The following HSD17B7 variants were observed in gnomAD, a reference collection of about 807,000 sequenced individuals.
HSD17B7 encodes the protein hydroxysteroid 17-beta dehydrogenase 7, also known as 3-keto-steroid reductase/17-beta-hydroxysteroid dehydrogenase 7.
HSD17B7 carries 17 observed loss-of-function variants against 34.1 expected under a neutral mutation model. That is an observed-to-expected ratio of 0.50 (90% confidence interval 0.34 to 0.75). The LOEUF (loss-of-function observed/expected upper bound fraction) is 0.75, where lower values mean the gene tolerates loss of function less well. HSD17B7 is among the 30% of genes least tolerant of loss of function. The pLI is 0.01. For missense variants in HSD17B7, 296 were observed against 406.6 expected (o/e 0.73, Z 2.34); for synonymous variants, 122 against 154.6 (o/e 0.79, Z 1.56).
intron 8 of HSD17B7, among the ~76,000 whole-genome samples, chr1:162,808,684 A>G (rs1201072188): frequency 6.6e-6 from 1 of 152,174 alleles, no homozygotes; most frequent in African/African-American, 2.4e-5. Flanking sequence ...GGTCCTTCAC[A>G]TCTCTTGTAA....
At chr1:162,800,318 A>C (rs1423247038) in intron 5 of HSD17B7, 1 of 458,216 alleles carries the variant, frequency 2.2e-6, no homozygotes, top group South Asian at 1.6e-5. Flanking sequence ...GGAGAACTTA[A>C]GTCATTTACC....
intron 7 of HSD17B7, among the ~76,000 whole-genome samples, chr1:162,805,103 A>G (rs542104737): frequency 1.3e-5 from 2 of 152,308 alleles, no homozygotes; most frequent in Admixed American, 1.3e-4. Flanking sequence ...GACTTAATTG[A>G]GATTAGCTAA....
chr1:162,811,573 T>C (rs1410208256), intron 8 of HSD17B7, among the ~76,000 whole-genome samples: 3 of 152,216 alleles, frequency 2.0e-5, no homozygotes, highest in South Asian at 2.1e-4. Flanking sequence ...AAAATAACTA[T>C]AGATTAAACT....
intron 2 of HSD17B7, among the ~76,000 whole-genome samples, chr1:162,796,146 A>G (rs12041044): frequency 0.25 from 37,516 of 152,084 alleles, 6,139 homozygotes; most frequent in African/African-American, 0.44. Context: ...TATCAATAGT[A>G]TATAAATTTT....
chr1:162,798,063 T>C, intron 4 of HSD17B7, 147 bp downstream of exon 4: 1 of 1,344,928 alleles, frequency 7.4e-7, no homozygotes, highest in Non-Finnish European at 9.8e-7. Context: ...CCTTGTTTAT[T>C]GTGAGCATGG....
Position 162,808,249 on chromosome 1 carries a change from G to C in HSD17B7, c.903+2757G>C, listed in dbSNP as rs551271296. Among the ~76,000 whole-genome samples the C allele has an allele frequency of 5.2e-3, 785 of 151,934 alleles. 7 individuals are homozygous for C. Among genetic ancestry groups the C allele is most frequent in the Admixed American group, 0.019 (287 of 15,272 alleles). On this transcript the variant is annotated intron_variant, in intron 8 of 8. Coordinates refer to ENST00000254521, the MANE Select transcript of HSD17B7 (RefSeq NM_016371.4). ...AATCCTTTCCCCATTTCTTGTTTTT[G>C]TCAGGTTTGTCAAAGATCAGATGGT...
rs148286377 is a variant in HSD17B7 at position 162,801,871 on chromosome 1, G to C, written c.643-1560G>C. ...CTTTTCCTTTCATAAAAAGGTCTGG[G>C]ATTCTATTTAAGTCTCAATTATCAA... On this transcript the variant is annotated intron_variant, in intron 5 of 8. Transcript: ENST00000254521. Among the ~76,000 whole-genome samples the C allele has an allele frequency of 4.6e-3, 705 of 152,258 alleles. 5 individuals carry two copies. The highest frequency in any genetic ancestry group is 0.016 in the African/African-American group (661 of 41,544).
intron 5 of HSD17B7, among the ~76,000 whole-genome samples, chr1:162,802,033 A>G (rs1265152839): frequency 6.6e-6 from 1 of 152,042 alleles, no homozygotes; most frequent in Non-Finnish European, 1.5e-5. Context: ...AAAGAATAAC[A>G]TTACAGGATT....
At chr1:162,807,853 G>T (rs1414122839) in intron 8 of HSD17B7, among the ~76,000 whole-genome samples, 1 of 152,018 alleles carries the variant, frequency 6.6e-6, no homozygotes, top group Admixed American at 6.6e-5. Flanking sequence ...TGAGTTCATT[G>T]TAGATTCTGG....
intron 7 of HSD17B7, among the ~76,000 whole-genome samples, chr1:162,805,153 GGTAA>G (rs1423803179): frequency 6.6e-6 from 1 of 152,126 alleles, no homozygotes; most frequent in Non-Finnish European, 1.5e-5. Context: ...CTCTTGTTTT[GGTAA>G]GTGTTACAGA....
Position 162,799,876 on chromosome 1 carries a change from G to T in HSD17B7, c.581G>T (p.Ser194Ile). The T allele has an allele frequency of 1.2e-6, 2 of 1,614,098 alleles. No homozygotes were observed. Among genetic ancestry groups the T allele is most frequent in the Non-Finnish European group, 1.7e-6 (2 of 1,179,982 alleles). The change falls in exon 5 of 9, where the codon AGC becomes ATC. Residue 194 changes from serine (S) to isoleucine (I), a missense_variant. Physicochemically the swap from Ser to Ile is moderately radical, Grantham distance 142. Coordinates refer to ENST00000254521, the MANE Select transcript of HSD17B7 (RefSeq NM_016371.4). ...CACAGCAAAGGCAAGGAACCCTACA[G>T]CTCTTCCAAATATGCCACTGACCTT... ...FQHSKGKEPY[S>I]SSKYATDLLS...
chr1:162,799,239 T>G (rs1275270770), intron 4 of HSD17B7, among the ~76,000 whole-genome samples: 1 of 152,186 alleles, frequency 6.6e-6, no homozygotes, highest in Non-Finnish European at 1.5e-5. Context: ...CCTGCTCAAA[T>G]TTTTTCAGTT....
At chr1:162,803,368 G>T in intron 5 of HSD17B7, 63 bp from the exon 6 acceptor site, 1 of 1,494,112 alleles carries the variant, frequency 6.7e-7, no homozygotes, top group Non-Finnish European at 9.2e-7. Flanking sequence ...TAACTAGCAT[G>T]TAGCTGGACT....
At chr1:162,810,847 C>T (rs2102238655) in intron 8 of HSD17B7, among the ~76,000 whole-genome samples, 1 of 152,282 alleles carries the variant, frequency 6.6e-6, no homozygotes, top group Admixed American at 6.5e-5. Context: ...TGTCTCTCTG[C>T]ACATGAAATG....
chr1:162,796,047 T>C (rs1648597936), intron 2 of HSD17B7, among the ~76,000 whole-genome samples: 2 of 152,206 alleles, frequency 1.3e-5, no homozygotes, highest in South Asian at 4.1e-4. Flanking sequence ...GACTTGTCCA[T>C]GAACACTGAA....
chr1:162,800,373 C>G (rs1457961001), intron 5 of HSD17B7: 5 of 434,544 alleles, frequency 1.2e-5, no homozygotes, highest in Non-Finnish European at 1.8e-5. Context: ...GAATTGAGCC[C>G]GAGGCTGTCT....
chr1:162,801,661 G>A (rs1375272251), intron 5 of HSD17B7, among the ~76,000 whole-genome samples: 2 of 152,310 alleles, frequency 1.3e-5, no homozygotes, highest in East Asian at 1.9e-4. Context: ...GTGTGCATGT[G>A]TGTAGGTGTC....
At chr1:162,805,803 C>T (rs1445763779) in intron 8 of HSD17B7, among the ~76,000 whole-genome samples, 1 of 152,152 alleles carries the variant, frequency 6.6e-6, no homozygotes, top group Non-Finnish European at 1.5e-5. Context: ...CTTGACATCT[C>T]GTACCTGTTG....
intron 5 of HSD17B7, chr1:162,802,792 A>G (rs532868547): frequency 6.6e-6 from 1 of 152,264 alleles, no homozygotes; most frequent in South Asian, 2.1e-4. Flanking sequence ...GACCCTTTGT[A>G]TTAACATAAG....
Sources: allele counts gnomAD v4.1 joint callset (sites outside exome capture counted in the v4.1 genomes callset), GRCh38; gene constraint gnomAD v4.1.1; transcripts MANE v1.5; gene names NCBI Gene and HGNC (gene_info 2026-07-23, HGNC 2026-07-21).